IPP: variants seen among roughly 807,000 people sequenced by gnomAD.
IPP encodes actin-binding protein IPP.
IPP carries 41 observed loss-of-function variants against 64.1 expected under a neutral mutation model. The ratio of observed to expected loss-of-function variants is 0.64; its 90% CI spans 0.50 to 0.83. The LOEUF is 0.83. IPP is among the 40% of genes least tolerant of loss of function. IPP has a pLI of 0.00. For missense variants in IPP, 649 were observed against 703.0 expected, an observed-to-expected ratio of 0.92 and a Z score of 0.87; for synonymous variants, 214 against 235.2, an observed-to-expected ratio of 0.91 and a Z score of 0.83.
chr1:45,709,627 G>C (rs1645563703), intron 8 of IPP, among the ~76,000 whole-genome samples: 2 of 149,140 alleles, frequency 1.3e-5, no homozygotes, highest in African/African-American at 2.5e-5. Context: ...GGCAGATCAC[G>C]AGGTCAGGAG....
At chr1:45,694,666 G>C (rs1360083587), downstream of IPP, 1 of 561,540 alleles carries the variant, frequency 1.8e-6, no homozygotes, top group Non-Finnish European at 3.2e-6. Context: ...ATGAGGGAAA[G>C]CCACATTCAA....
At chr1:45,724,817 G>T (rs1368183159) in intron 5 of IPP, among the ~76,000 whole-genome samples, 1 of 150,686 alleles carries the variant, frequency 6.6e-6, no homozygotes, top group Non-Finnish European at 1.5e-5. Flanking sequence ...GAGCCCCTCC[G>T]TCCGGCAGCC....
chr1:45,742,530 A>AT (rs547337765), intron 2 of IPP, among the ~76,000 whole-genome samples: 61 of 152,230 alleles, frequency 4.0e-4, no homozygotes, highest in South Asian at 3.1e-3. Flanking sequence ...CATAATGTTC[A>AT]TTTTTTGTTT....
chr1:45,734,918 T>C (rs2148575651), intron 3 of IPP, among the ~76,000 whole-genome samples: 1 of 152,322 alleles, frequency 6.6e-6, no homozygotes, highest in Admixed American at 6.5e-5. Flanking sequence ...TAGCTGGGAC[T>C]ACAGGTGTGT....
At chr1:45,694,364 A>T (rs1645367611), downstream of IPP, 1 of 910,458 alleles carries the variant, frequency 1.1e-6, no homozygotes, top group Non-Finnish European at 1.8e-6. Context: ...CAGTCATTTT[A>T]TGAATAATAT....
At chr1:45,745,892 A>G (rs1176657298) in intron 2 of IPP, among the ~76,000 whole-genome samples, 1 of 152,020 alleles carries the variant, frequency 6.6e-6, no homozygotes, top group Non-Finnish European at 1.5e-5. Flanking sequence ...AAATAATAAT[A>G]ATAATGTTAC....
intron 5 of IPP, among the ~76,000 whole-genome samples, chr1:45,725,038 G>A (rs1645795222): frequency 6.8e-6 from 1 of 147,968 alleles, no homozygotes; most frequent in Non-Finnish European, 1.5e-5. Flanking sequence ...CCCCCGCCCG[G>A]CCAGCCGCCC....
chr1:45,720,727 G>A (rs1324745425), intron 5 of IPP, among the ~76,000 whole-genome samples: 1 of 152,200 alleles, frequency 6.6e-6, no homozygotes. Flanking sequence ...ATAGAAGACA[G>A]AGTTAGCACT....
chr1:45,695,864 T>G (rs1645383577), downstream of IPP, among the ~76,000 whole-genome samples: 1 of 152,176 alleles, frequency 6.6e-6, no homozygotes, highest in Non-Finnish European at 1.5e-5. Flanking sequence ...AGACAGGGTT[T>G]CTCCATGTTG....
intron 5 of IPP, among the ~76,000 whole-genome samples, chr1:45,724,581 T>G (rs1645782586): frequency 1.3e-5 from 2 of 150,270 alleles, no homozygotes; most frequent in Admixed American, 1.3e-4. Flanking sequence ...GAGGAGCGTC[T>G]CTGCCCGGCC....
intron 7 of IPP, among the ~76,000 whole-genome samples, chr1:45,714,817 T>C (rs991606164): frequency 6.6e-6 from 1 of 152,014 alleles, no homozygotes; most frequent in Admixed American, 6.6e-5. Context: ...AAAAATGTCA[T>C]GCACTTAAGC....
At chr1:45,731,064 A>T (rs1435643693) in intron 3 of IPP, among the ~76,000 whole-genome samples, 2 of 152,220 alleles carry the variant, frequency 1.3e-5, no homozygotes, top group Non-Finnish European at 2.9e-5. Flanking sequence ...CTCAATAGAG[A>T]GATATCAAAG....
chr1:45,702,441 CGTTGTT>C (rs903138720), intron 8 of IPP, among the ~76,000 whole-genome samples: 2 of 151,946 alleles, frequency 1.3e-5, no homozygotes, highest in African/African-American at 2.4e-5. Flanking sequence ...AACACATTGT[CGTTGTT>C]GTTGTTGTTA....
At chr1:45,715,931 A>G (rs1428522184) in intron 7 of IPP, among the ~76,000 whole-genome samples, 1 of 152,260 alleles carries the variant, frequency 6.6e-6, no homozygotes, top group East Asian at 1.9e-4. Flanking sequence ...AATGGAAATC[A>G]GAGAAGGTAA....
chr1:45,737,845 T>C lies in IPP; in HGVS notation c.724+3056A>G, dbSNP rs115306269. Among the ~76,000 whole-genome samples the C allele has an allele frequency of 5.7e-3, 872 of 152,270 alleles. 8 individuals are homozygous for C. The highest frequency in any genetic ancestry group is 0.02 in the African/African-American group (840 of 41,534). On this transcript the variant is annotated intron_variant, in intron 3 of 8. Coordinates refer to ENST00000396478, the MANE Select transcript of IPP (RefSeq NM_005897.3). ...CAATGCCTAGGTCATTCACCTCATT[T>C]CATCTTATCACATAGGTACTTTATC...
intron 3 of IPP, among the ~76,000 whole-genome samples, chr1:45,738,854 A>AAC (rs1553193322): frequency 2.3e-4 from 25 of 107,466 alleles, no homozygotes; most frequent in African/African-American, 7.3e-4. Context: ...AAAAAAAAAA[A>AAC]AAAAAAAAAA....
intron 1 of IPP, among the ~76,000 whole-genome samples, chr1:45,746,907 G>A (rs1646141469): frequency 6.6e-6 from 1 of 152,002 alleles, no homozygotes. Context: ...AAAGCCCTTC[G>A]GGATTCTTGT....
chr1:45,730,538 G>A (rs973487490), intron 3 of IPP, among the ~76,000 whole-genome samples: 4 of 152,132 alleles, frequency 2.6e-5, no homozygotes, highest in African/African-American at 9.7e-5. Context: ...AATAAATTCT[G>A]GTGGCATGAG....
At chr1:45,736,248 C>T (rs1006787092) in intron 3 of IPP, among the ~76,000 whole-genome samples, 1 of 152,036 alleles carries the variant, frequency 6.6e-6, no homozygotes, top group Non-Finnish European at 1.5e-5. Context: ...GTGACCACCA[C>T]GCCGAGCCTA....
Sources: gnomAD v4.1 joint callset for allele counts (sites outside exome capture counted in the v4.1 genomes callset) on GRCh38, gnomAD v4.1.1 for gene constraint, MANE v1.5 for transcripts, NCBI Gene and HGNC (gene_info 2026-07-23, HGNC 2026-07-21) for gene names.